Variants in LIN52 observed in about 807,000 individuals in gnomAD.
LIN52 encodes protein lin-52 homolog.
Under a neutral mutation model 18.5 loss-of-function variants are expected in LIN52, and 4 were observed. That is an observed-to-expected ratio of 0.22 (90% CI 0.11 to 0.49). The LOEUF is 0.49. LIN52 is among the 20% of genes least tolerant of loss of function. LIN52 has a pLI of 0.97. For synonymous variants in LIN52, 34 were observed against 45.5 expected, an observed-to-expected ratio of 0.75 and a Z score of 1.02; for missense variants, 102 against 139.5, an observed-to-expected ratio of 0.73 and a Z score of 1.35.
chr14:74,109,140 G>T (rs1220187041), intron 5 of LIN52, among the ~76,000 whole-genome samples: 2 of 152,152 alleles, frequency 1.3e-5, no homozygotes, highest in African/African-American at 4.8e-5. Context: ...AGCATCGTTT[G>T]TTGAAAAGAC....
At chr14:74,093,863 A>G (rs2060789748) in intron 2 of LIN52, among the ~76,000 whole-genome samples, 1 of 152,056 alleles carries the variant, frequency 6.6e-6, no homozygotes, top group African/African-American at 2.4e-5. Context: ...GCTACTTGGG[A>G]GGCTGAGGCA....
intron 4 of LIN52, among the ~76,000 whole-genome samples, chr14:74,099,631 G>T (rs1595149918): frequency 6.6e-6 from 1 of 150,772 alleles, no homozygotes; most frequent in Non-Finnish European, 1.5e-5. Context: ...AGAGACTGGA[G>T]TTTTTTTTAT....
chr14:74,158,706 G>A (rs572935653), intron 5 of LIN52, among the ~76,000 whole-genome samples: 4 of 152,098 alleles, frequency 2.6e-5, no homozygotes, highest in Non-Finnish European at 2.9e-5. Context: ...TTGAACTCCC[G>A]ACCTCAGGTG....
At chr14:74,112,621 G>A (rs77201754) in intron 5 of LIN52, among the ~76,000 whole-genome samples, 2,031 of 152,214 alleles carry the variant, frequency 0.013, 44 homozygotes, top group African/African-American at 0.045. Context: ...TAAAGTTGAT[G>A]AAACTACATT....
chr14:74,116,308 A>T (rs1487636015), intron 5 of LIN52, among the ~76,000 whole-genome samples: 1 of 123,634 alleles, frequency 8.1e-6, no homozygotes, highest in African/African-American at 2.7e-5. Context: ...GTCTCAAAAA[A>T]TAAAAAATAA....
chr14:74,137,496 C>CTTTTTTT lies in LIN52; in HGVS notation c.283+36259_283+36260insTTTTTTT, dbSNP rs1409995305. Among the ~76,000 whole-genome samples the CTTTTTTT allele has an allele frequency of 3.0e-3, 260 of 85,470 alleles. 9 individuals carry two copies. Among genetic ancestry groups the CTTTTTTT allele is most frequent in the African/African-American group, 0.013 (249 of 19,402 alleles). The allele number at this position is 85,470 out of a possible 152,430, so 56.1% of individuals were successfully genotyped here. On this transcript the variant is annotated intron_variant, in intron 5 of 5. Transcript: ENST00000555028. ...GAGCACTAAATTCTTCACAGCAGCT[C>CTTTTTTT]TCTTTTTTTTTTTTTTTTTTGAGAT...
At chr14:74,112,778 A>G (rs1223071913) in intron 5 of LIN52, among the ~76,000 whole-genome samples, 3 of 152,246 alleles carry the variant, frequency 2.0e-5, no homozygotes, top group Non-Finnish European at 2.9e-5. Context: ...GGGGATAGGA[A>G]GATAATTACT....
chr14:74,085,198 A>C (rs1017847612), intron 1 of LIN52: 2 of 414,506 alleles, frequency 4.8e-6, no homozygotes, highest in Non-Finnish European at 8.3e-6. Context: ...CCCGCTCTGT[A>C]CCAGGCGTGT....
At position 74,201,041 on chromosome 14, in the gene LIN52, T is replaced by C. The variant is rs778081470; in HGVS notation, c.*2064T>C. 1.3e-5 allele frequency: 2 copies of C among 152,250 alleles called. No homozygotes were observed. Among genetic ancestry groups the C allele is most frequent in the Non-Finnish European group, 2.9e-5 (2 of 68,046 alleles). 9.4% of individuals were successfully genotyped at this position (152,250 alleles called of 1,614,324 possible). Reference sequence around the variant, plus strand: ...CGTCATCCTATTCACCAGCACTTAATGTAAGTAGATGTTTTAGAATTGCAA... The same window carrying C: ...CGTCATCCTATTCACCAGCACTTAACGTAAGTAGATGTTTTAGAATTGCAA... On this transcript the variant is annotated 3_prime_UTR_variant, in exon 6 of 6. Coordinates refer to ENST00000555028, the MANE Select transcript of LIN52 (RefSeq NM_001024674.3).
intron 5 of LIN52, among the ~76,000 whole-genome samples, chr14:74,167,013 C>T (rs1315500568): frequency 6.6e-6 from 1 of 151,196 alleles, no homozygotes; most frequent in East Asian, 1.9e-4. Flanking sequence ...ATGGTGCATG[C>T]ATTCAAGAGT....
chr14:74,113,962 TTTC>T (rs2139908728), intron 5 of LIN52: 1 of 170,432 alleles, frequency 5.9e-6, no homozygotes, highest in Admixed American at 6.5e-5. Context: ...GCTATTTTTC[TTTC>T]TTTTCTTTTT....
chr14:74,157,974 G>T (rs2061206849), intron 5 of LIN52, among the ~76,000 whole-genome samples: 1 of 152,006 alleles, frequency 6.6e-6, no homozygotes, highest in South Asian at 2.1e-4. Flanking sequence ...AACTTCAGGG[G>T]TATATTGTTG....
chr14:74,127,228 T>C (rs548300959), intron 5 of LIN52, among the ~76,000 whole-genome samples: 1 of 152,296 alleles, frequency 6.6e-6, no homozygotes, highest in African/African-American at 2.4e-5. Flanking sequence ...CTTACACAAA[T>C]AATTATTTGC....
chr14:74,162,406 A>ATG (rs2061229417), intron 5 of LIN52, among the ~76,000 whole-genome samples: 1 of 141,552 alleles, frequency 7.1e-6, no homozygotes. Flanking sequence ...AAACCAGGAG[A>ATG]TGTAGGTTGC....
chr14:74,104,316 C>T (rs1322953713), intron 5 of LIN52, among the ~76,000 whole-genome samples: 1 of 152,166 alleles, frequency 6.6e-6, no homozygotes, highest in Non-Finnish European at 1.5e-5. Flanking sequence ...GTAGTTGACT[C>T]ATAAATGCCT....
At chr14:74,123,532 T>G (rs573917868) in intron 5 of LIN52, among the ~76,000 whole-genome samples, 1 of 152,310 alleles carries the variant, frequency 6.6e-6, no homozygotes, top group East Asian at 1.9e-4. Context: ...GACAATTGAA[T>G]AGATACTAGA....
In LIN52 at chr14:74,097,688, C is replaced by T. The variant is rs529550133; in HGVS notation, c.133-106C>T. 2.6e-4 allele frequency: 197 copies of T among 754,576 alleles called. 4 individuals carry two copies. The South Asian group carries it at 3.1e-3, about 12-fold the overall frequency. The allele number at this position is 754,576 out of a possible 1,614,324, so 46.7% of individuals were successfully genotyped here. ...TGACTCCTGACCTCAAGTAATCCGC[C>T]CACCTTGGCAGCCACCGCATCCGGC... On this transcript the variant is annotated intron_variant, in intron 3 of 5. Transcript: ENST00000555028.
intron 2 of LIN52, among the ~76,000 whole-genome samples, chr14:74,092,982 G>T (rs1488603320): frequency 2.6e-5 from 4 of 151,922 alleles, no homozygotes; most frequent in Middle Eastern, 3.4e-3. Context: ...ATGGAGTCTT[G>T]CTCATGTCGC....
At chr14:74,106,224 C>G (rs540442478) in intron 5 of LIN52, among the ~76,000 whole-genome samples, 54 of 152,170 alleles carry the variant, frequency 3.5e-4, no homozygotes, top group Non-Finnish European at 7.1e-4. Context: ...GCTGGTCCCT[C>G]TGCCTCTCAA....
Sources: allele counts gnomAD v4.1 joint callset (sites outside exome capture counted in the v4.1 genomes callset), GRCh38; gene constraint gnomAD v4.1.1; transcripts MANE v1.5; gene names NCBI Gene and HGNC (gene_info 2026-07-23, HGNC 2026-07-21).